Variants in XIRP2 observed in about 807,000 individuals in gnomAD.
The protein encoded by XIRP2 is xin actin-binding repeat-containing protein 2.
Under a neutral mutation model 277.0 loss-of-function variants are expected in XIRP2, and 236 were observed. That is an observed-to-expected ratio of 0.85 (90% CI 0.77 to 0.95). XIRP2 has a LOEUF of 0.95. XIRP2 is among the 40% of genes least tolerant of loss of function. The pLI is 0.00. For synonymous variants in XIRP2, 1,490 were observed against 1,416.5 expected (o/e 1.05, Z -1.17); for missense variants, 4,640 against 4,157.5 (o/e 1.12, Z -3.19).
chr2:167,189,420 T>C (rs1192404158), intron 3 of XIRP2, among the ~76,000 whole-genome samples: 1 of 152,204 alleles, frequency 6.6e-6, no homozygotes, highest in African/African-American at 2.4e-5. Context: ...AGATTTTTGA[T>C]TGAACGATCT....
At position 167,246,599 on chromosome 2, in the gene XIRP2, A is replaced by G. The variant is rs367598616; in HGVS notation, c.5207A>G (p.Asp1736Gly). Residue 1736 changes from aspartate to glycine, a missense_variant, in exon 9 of 11, where the codon GAT becomes GGT. Coordinates refer to ENST00000409195, the MANE Select transcript of XIRP2 (RefSeq NM_152381.6). ...NNKISERAKIDASERGNVQFF... is the reference protein window; with the variant it reads ...NNKISERAKIGASERGNVQFF... ...AAAATATCTGAAAGGGCTAAAATTG[A>G]TGCCTCTGAGAGAGGAAATGTTCAG... 3.0e-5 allele frequency: 49 copies of G among 1,613,706 alleles called. No individual in the cohort carries two copies. The highest frequency in any genetic ancestry group is 4.1e-5 in the Non-Finnish European group (48 of 1,179,864).
intron 2 of XIRP2, among the ~76,000 whole-genome samples, chr2:166,996,610 G>C (rs1687227862): frequency 6.6e-6 from 1 of 152,154 alleles, no homozygotes; most frequent in Admixed American, 6.5e-5. Flanking sequence ...CTGGGCAACA[G>C]AGCAAGACTT....
In XIRP2 at chr2:167,218,351, A is replaced by G. The variant is rs374875972; in HGVS notation, c.858+51A>G. On this transcript the variant is annotated intron_variant, in intron 5 of 10. Coordinates refer to ENST00000409195, the MANE Select transcript of XIRP2 (RefSeq NM_152381.6). ...AATCAGGCATGGTTGAAATGCTCTC[A>G]TTTTGGTGCCAATGTAGAAATCTCC... The G allele has an allele frequency of 3.0e-6, 4 of 1,344,176 alleles. No individual in the cohort carries two copies. The African/African-American group carries it at 4.4e-5, about 15-fold the overall frequency. 83.3% of individuals were successfully genotyped at this position (1,344,176 alleles called of 1,614,324 possible). A position where few individuals can be genotyped will look rare whatever the true frequency, so the allele number is the denominator to read the frequency against.
intron 7 of XIRP2, among the ~76,000 whole-genome samples, chr2:167,241,184 A>G (rs1005559878): frequency 2.6e-5 from 4 of 152,162 alleles, no homozygotes; most frequent in Admixed American, 6.5e-5. Flanking sequence ...AAGACTGGAC[A>G]TAGTTTGTCT....
At position 166,963,953 on chromosome 2, in the gene XIRP2, T is replaced by C. The variant is rs370639892; in HGVS notation, c.408+60063T>C. ...CAACTGTCCAGGTGAAGACATGGTG[T>C]GTTCTAAAGTTAAAGGAGGAAGAGC... On this transcript the variant is annotated intron_variant, in intron 2 of 10. Transcript: ENST00000409195. Among the ~76,000 whole-genome samples the C allele has an allele frequency of 6.8e-4, 103 of 151,832 alleles. 1 individual carries two copies. The highest frequency in any genetic ancestry group is 2.4e-3 in the African/African-American group (101 of 41,484).
At chr2:167,191,723 C>A (rs1444552992) in intron 3 of XIRP2, among the ~76,000 whole-genome samples, 1 of 152,186 alleles carries the variant, frequency 6.6e-6, no homozygotes, top group Non-Finnish European at 1.5e-5. Flanking sequence ...GGACACATCA[C>A]TTTTCACTAC....
At chr2:167,198,806 C>T (rs1160798818) in intron 3 of XIRP2, among the ~76,000 whole-genome samples, 2 of 152,068 alleles carry the variant, frequency 1.3e-5, no homozygotes, top group Non-Finnish European at 2.9e-5. Flanking sequence ...AAATAATGTT[C>T]GGTAAAGAAA....
At chr2:166,975,321 T>C (rs1190389411) in intron 2 of XIRP2, among the ~76,000 whole-genome samples, 2 of 152,164 alleles carry the variant, frequency 1.3e-5, no homozygotes, top group Non-Finnish European at 2.9e-5. Context: ...TGTGGAACAA[T>C]ACTTCAAACA....
intron 2 of XIRP2, among the ~76,000 whole-genome samples, chr2:167,054,284 A>T (rs75880269): frequency 0.035 from 5,388 of 152,268 alleles, 182 homozygotes; most frequent in African/African-American, 0.086. Context: ...GATTTTGATT[A>T]TTGGCATTCT....
intron 3 of XIRP2, chr2:167,187,626 TTGTAATC>T: frequency 4.9e-6 from 4 of 815,052 alleles, no homozygotes; most frequent in Non-Finnish European, 5.9e-6. Flanking sequence ...ATAGGTCAAA[TTGTAATC>T]ATTGTAAAAG....
chr2:167,258,921 C>T lies in XIRP2; in HGVS notation c.*1104C>T. 6.2e-7 allele frequency: 1 copy of T among 1,613,068 alleles called. No individual in the cohort carries two copies. The highest frequency in any genetic ancestry group is 8.5e-7 in the Non-Finnish European group (1 of 1,179,582). The stretch of plus-strand genomic sequence containing the variant: ...ACTGACAGAGCAGCTGCTGGCAGTC[C>T]TGTGCAGCCTGCTCCAAAACCAAGC... On this transcript the variant is annotated 3_prime_UTR_variant, in exon 11 of 11. Coordinates refer to ENST00000409195, the MANE Select transcript of XIRP2 (RefSeq NM_152381.6).
chr2:166,892,716 C>T (rs1239554928), intron 1 of XIRP2, among the ~76,000 whole-genome samples: 1 of 151,224 alleles, frequency 6.6e-6, no homozygotes, highest in Non-Finnish European at 1.5e-5. Context: ...CTGAAATAAC[C>T]TTTGATGGGT....
chr2:167,084,253 G>T (rs1199136656), intron 2 of XIRP2, among the ~76,000 whole-genome samples: 3 of 152,074 alleles, frequency 2.0e-5, no homozygotes, highest in Non-Finnish European at 4.4e-5. Flanking sequence ...TTATTGATTT[G>T]CGTATATTGA....
intron 5 of XIRP2, among the ~76,000 whole-genome samples, chr2:167,222,219 G>A (rs937989811): frequency 4.6e-5 from 7 of 152,168 alleles, no homozygotes; most frequent in African/African-American, 1.4e-4. Context: ...TTAGGATGAT[G>A]TCCCATGTAT....
chr2:167,003,490 G>C (rs1015923937), intron 2 of XIRP2, among the ~76,000 whole-genome samples: 1 of 147,866 alleles, frequency 6.8e-6, no homozygotes, highest in East Asian at 2.0e-4. Context: ...TGTGTGTGGA[G>C]AGAGGTGGTG....
intron 2 of XIRP2, among the ~76,000 whole-genome samples, chr2:166,982,042 C>T (rs1036539546): frequency 7.3e-6 from 1 of 136,318 alleles, no homozygotes; most frequent in Admixed American, 7.3e-5. Flanking sequence ...CTAGGCATCA[C>T]ATCACATTGT....
chr2:167,025,253 T>C (rs898633364), intron 2 of XIRP2, among the ~76,000 whole-genome samples: 2 of 152,234 alleles, frequency 1.3e-5, no homozygotes, highest in Non-Finnish European at 2.9e-5. Context: ...GAGGTGTTTG[T>C]AGTATTCTCT....
At chr2:166,910,594 TTTTGTG>T (rs961187551) in intron 2 of XIRP2, among the ~76,000 whole-genome samples, 3 of 152,202 alleles carry the variant, frequency 2.0e-5, no homozygotes, top group Non-Finnish European at 4.4e-5. Flanking sequence ...TTGAAGGGTT[TTTTGTG>T]TCTCTATTTC....
At chr2:167,181,199 G>A (rs78173096) in intron 3 of XIRP2, among the ~76,000 whole-genome samples, 5,990 of 152,242 alleles carry the variant, frequency 0.039, 129 homozygotes, top group Non-Finnish European at 0.051. Flanking sequence ...GCTGTGGCTT[G>A]GGCTGGTCCA....
Sources: gnomAD v4.1 joint callset for allele counts (sites outside exome capture counted in the v4.1 genomes callset) on GRCh38, gnomAD v4.1.1 for gene constraint, MANE v1.5 for transcripts, NCBI Gene and HGNC (gene_info 2026-07-23, HGNC 2026-07-21) for gene names.